Variants in PTPRT observed in about 807,000 individuals in gnomAD.
PTPRT encodes protein tyrosine phosphatase receptor type T, also known as receptor-type tyrosine-protein phosphatase T.
Under a neutral mutation model 176.8 loss-of-function variants are expected in PTPRT, and 56 were observed. The ratio of observed to expected loss-of-function variants is 0.32; its 90% CI spans 0.26 to 0.40. The LOEUF (loss-of-function observed/expected upper bound fraction) is 0.40. Among genes scored for constraint, PTPRT ranks in the 10% least tolerant of loss-of-function variants. PTPRT has a pLI of 1.00. For synonymous variants in PTPRT, 783 were observed against 739.0 expected, an observed-to-expected ratio of 1.06 and a Z score of -0.96; for missense variants, 1,540 against 1,908.2, an observed-to-expected ratio of 0.81 and a Z score of 3.60.
At chr20:42,287,777 AC>A (rs537414983) in intron 12 of PTPRT, among the ~76,000 whole-genome samples, 144 of 152,086 alleles carry the variant, frequency 9.5e-4, no homozygotes, top group African/African-American at 3.3e-3. Flanking sequence ...TATGCTAATT[AC>A]CTTGATCTGA....
chr20:43,004,181 AAAAAAG>A (rs1324514287), intron 1 of PTPRT, among the ~76,000 whole-genome samples: 1 of 152,020 alleles, frequency 6.6e-6, no homozygotes, highest in Admixed American at 6.5e-5. Context: ...AAAAAAAAAA[AAAAAAG>A]ACTACAAATA....
intron 1 of PTPRT, among the ~76,000 whole-genome samples, chr20:42,995,340 C>T (rs1358220074): frequency 6.6e-6 from 1 of 152,112 alleles, no homozygotes; most frequent in East Asian, 1.9e-4. Flanking sequence ...TGTTTTAAGT[C>T]AGAGGGCATA....
Position 42,809,623 on chromosome 20 carries a change from G to T in PTPRT, c.215-18157C>A, listed in dbSNP as rs541975103. ...GTGGGTCGGCAGGGCCGTGGGGGAA[G>T]TCTCTAGGGGATAATTCCTCTTTGC... is the stretch of plus-strand genomic sequence containing the variant. On this transcript the variant is annotated intron_variant, in intron 2 of 30. Transcript: ENST00000373187. Among the ~76,000 whole-genome samples the T allele has an allele frequency of 4.3e-4, 66 of 152,308 alleles. 1 individual carries two copies. The highest frequency in any genetic ancestry group is 1.4e-3 in the African/African-American group (60 of 41,552).
intron 1 of PTPRT, among the ~76,000 whole-genome samples, chr20:43,135,513 G>A (rs2013803210): frequency 6.6e-6 from 1 of 152,078 alleles, no homozygotes; most frequent in African/African-American, 2.4e-5. Context: ...AGAATTGTGG[G>A]TAATAATTTT....
intron 7 of PTPRT, among the ~76,000 whole-genome samples, chr20:42,489,148 C>G (rs1601117478): frequency 6.6e-6 from 1 of 151,152 alleles, no homozygotes; most frequent in Non-Finnish European, 1.5e-5. Flanking sequence ...ATGTGCACAA[C>G]CTGCAGGTTA....
intron 16 of PTPRT, among the ~76,000 whole-genome samples, chr20:42,169,231 T>C (rs903569298): frequency 5.3e-5 from 8 of 152,190 alleles, no homozygotes; most frequent in African/African-American, 1.9e-4. Context: ...AAAGATGGTA[T>C]CTTTGTTTCC....
chr20:43,013,907 T>TG (rs1239702282), intron 1 of PTPRT, among the ~76,000 whole-genome samples: 1 of 152,192 alleles, frequency 6.6e-6, no homozygotes, highest in African/African-American at 2.4e-5. Flanking sequence ...ATCTATGACA[T>TG]GAGGAGAATA....
At chr20:42,651,972 C>T (rs1177808746) in intron 7 of PTPRT, among the ~76,000 whole-genome samples, 2 of 151,736 alleles carry the variant, frequency 1.3e-5, no homozygotes, top group African/African-American at 4.8e-5. Flanking sequence ...TGCTTGAACC[C>T]GGGAGGTGGA....
At chr20:42,135,605 A>T (rs1988336897) in intron 18 of PTPRT, among the ~76,000 whole-genome samples, 2 of 152,192 alleles carry the variant, frequency 1.3e-5, no homozygotes, top group Non-Finnish European at 2.9e-5. Context: ...AGACCAGAAG[A>T]TCTTACTGGA....
At chr20:42,751,557 C>T (rs184452173) in intron 6 of PTPRT, among the ~76,000 whole-genome samples, 51 of 152,184 alleles carry the variant, frequency 3.4e-4, no homozygotes, top group African/African-American at 1.1e-3. Flanking sequence ...TTTGAGTCAG[C>T]GGACTGGGAG....
intron 27 of PTPRT, among the ~76,000 whole-genome samples, chr20:42,094,209 G>A (rs1415196424): frequency 3.9e-5 from 6 of 152,136 alleles, no homozygotes. Context: ...GAGCAAACAG[G>A]GTTTTGCAGG....
At chr20:43,064,993 C>T (rs1345336507) in intron 1 of PTPRT, among the ~76,000 whole-genome samples, 1 of 152,154 alleles carries the variant, frequency 6.6e-6, no homozygotes, top group Non-Finnish European at 1.5e-5. Context: ...TTGCCCTCAT[C>T]GGTGATGATG....
rs76273306 is a variant in PTPRT at position 43,170,153 on chromosome 20, G to A, written c.88+19493C>T. ...CACTCTTAAATTAGGAATTTCCCCC[G>A]TATATATACTCGATATATATACGGG... is the stretch of plus-strand genomic sequence containing the variant. On this transcript the variant is annotated intron_variant, in intron 1 of 30. Transcript: ENST00000373187. Among the ~76,000 whole-genome samples the A allele has an allele frequency of 9.7e-4, 145 of 150,110 alleles. 1 individual carries two copies. The highest frequency in any genetic ancestry group is 4.2e-3 in the East Asian group (21 of 4,990).
chr20:42,798,607 T>C (rs1168098825), intron 2 of PTPRT, among the ~76,000 whole-genome samples: 3 of 152,086 alleles, frequency 2.0e-5, no homozygotes, highest in African/African-American at 4.8e-5. Flanking sequence ...GTGGTGTTAA[T>C]TGGAACTTAA....
At chr20:42,965,589 CT>C (rs1982245144) in intron 1 of PTPRT, among the ~76,000 whole-genome samples, 1 of 152,176 alleles carries the variant, frequency 6.6e-6, no homozygotes, top group Non-Finnish European at 1.5e-5. Context: ...AGGTACCAGG[CT>C]GATTCCAGCA....
chr20:42,984,496 A>C (rs1167119912), intron 1 of PTPRT, among the ~76,000 whole-genome samples: 2 of 152,152 alleles, frequency 1.3e-5, no homozygotes, highest in Non-Finnish European at 2.9e-5. Context: ...GAACAAAAAC[A>C]ATCTCCCCTT....
chr20:42,162,699 G>C (rs977794419), intron 16 of PTPRT, among the ~76,000 whole-genome samples: 12 of 152,250 alleles, frequency 7.9e-5, no homozygotes, highest in Admixed American at 3.9e-4. Flanking sequence ...AAACACCTAT[G>C]CAGGTACCCA....
At chr20:42,326,262 C>T (rs78914510) in intron 11 of PTPRT, among the ~76,000 whole-genome samples, 2,264 of 152,262 alleles carry the variant, frequency 0.015, 54 homozygotes, top group African/African-American at 0.052. Context: ...GTACTGGCTT[C>T]ACACTCGCTG....
intron 18 of PTPRT, among the ~76,000 whole-genome samples, chr20:42,132,985 T>C (rs974571779): frequency 2.0e-5 from 3 of 152,186 alleles, no homozygotes; most frequent in Non-Finnish European, 4.4e-5. Flanking sequence ...TTGGGATGAT[T>C]AGACTTAGGT....
Sources: allele counts gnomAD v4.1 joint callset (sites outside exome capture counted in the v4.1 genomes callset), GRCh38; gene constraint gnomAD v4.1.1; transcripts MANE v1.5; gene names NCBI Gene and HGNC (gene_info 2026-07-23, HGNC 2026-07-21).